Variants in RELN observed in about 807,000 individuals in gnomAD.
RELN encodes reelin.
Under a neutral mutation model 427.6 loss-of-function variants are expected in RELN, and 108 were observed. That is an observed-to-expected ratio of 0.25 (90% confidence interval 0.22 to 0.30). The LOEUF (loss-of-function observed/expected upper bound fraction) is 0.30. Among genes scored for constraint, RELN ranks in the 10% least tolerant of loss-of-function variants. The pLI, the probability that RELN is intolerant of heterozygous loss-of-function variation, is 1.00. For missense variants in RELN, 3,715 were observed against 4,302.8 expected (o/e 0.86, Z 3.82); for synonymous variants, 1,524 against 1,513.4 (o/e 1.01, Z -0.16).
intron 4 of RELN, among the ~76,000 whole-genome samples, chr7:103,758,029 A>C (rs1334626421): frequency 6.6e-6 from 1 of 152,198 alleles, no homozygotes; most frequent in Non-Finnish European, 1.5e-5. Context: ...ACTAGGAATG[A>C]ATGTTCGGAT....
chr7:103,943,470 T>C (rs1006481137), intron 1 of RELN, among the ~76,000 whole-genome samples: 6 of 152,148 alleles, frequency 3.9e-5, no homozygotes, highest in Admixed American at 2.0e-4. Context: ...TGTGCAAATT[T>C]GGGGAGAATA....
chr7:103,520,954 GTTATTTTTTTT>G (rs1829687412), intron 48 of RELN, among the ~76,000 whole-genome samples: 3 of 78,190 alleles, frequency 3.8e-5, no homozygotes, highest in African/African-American at 1.5e-4. Context: ...CAGTAAATTT[GTTATTTTTTTT>G]TTTTTTTTTT....
intron 8 of RELN, among the ~76,000 whole-genome samples, chr7:103,707,947 T>C (rs1001231814): frequency 1.3e-5 from 2 of 152,226 alleles, no homozygotes; most frequent in African/African-American, 4.8e-5. Flanking sequence ...TTAAAAATGA[T>C]GGAATAAAAA....
chr7:103,948,518 CAAAAATTAG>C (rs1796264664), intron 1 of RELN, among the ~76,000 whole-genome samples: 1 of 151,918 alleles, frequency 6.6e-6, no homozygotes, highest in African/African-American at 2.4e-5. Context: ...ACTAAAAATA[CAAAAATTAG>C]CTGGGCATGG....
intron 43 of RELN, among the ~76,000 whole-genome samples, chr7:103,541,852 A>T (rs1830183859): frequency 6.6e-6 from 1 of 152,252 alleles, no homozygotes; most frequent in African/African-American, 2.4e-5. Flanking sequence ...TATTGTTTTT[A>T]TAACTGTGTA....
chr7:103,772,628 C>A (rs555402887), intron 4 of RELN, among the ~76,000 whole-genome samples: 1 of 152,230 alleles, frequency 6.6e-6, no homozygotes, highest in East Asian at 1.9e-4. Context: ...GAGTGATACC[C>A]TAAGCAGGGT....
intron 2 of RELN, among the ~76,000 whole-genome samples, chr7:103,908,221 C>T (rs2116642778): frequency 6.6e-6 from 1 of 152,176 alleles, no homozygotes; most frequent in African/African-American, 2.4e-5. Flanking sequence ...GAGTGCAGCT[C>T]CCCAAAATTA....
intron 1 of RELN, among the ~76,000 whole-genome samples, chr7:103,921,390 G>A (rs1795614478): frequency 6.6e-6 from 1 of 151,928 alleles, no homozygotes; most frequent in Admixed American, 6.6e-5. Context: ...AAATTTTTAT[G>A]GTCAAATTTG....
chr7:103,548,646 G>A (rs535639021), intron 41 of RELN, among the ~76,000 whole-genome samples: 1 of 152,338 alleles, frequency 6.6e-6, no homozygotes, highest in East Asian at 1.9e-4. Context: ...AAATGACATG[G>A]AATACAAATA....
intron 20 of RELN, among the ~76,000 whole-genome samples, chr7:103,615,688 C>T (rs1266944955): frequency 6.6e-6 from 1 of 152,146 alleles, no homozygotes; most frequent in Non-Finnish European, 1.5e-5. Flanking sequence ...AGAAACTAGG[C>T]TTTCTGGTTT....
chr7:103,647,264 A>T (rs892584541), intron 16 of RELN, among the ~76,000 whole-genome samples: 5 of 152,034 alleles, frequency 3.3e-5, no homozygotes, highest in African/African-American at 1.2e-4. Flanking sequence ...ATATAAAGTC[A>T]AATTATCTCC....
At chr7:103,601,746 C>A (rs538721033) in intron 24 of RELN, among the ~76,000 whole-genome samples, 2 of 152,146 alleles carry the variant, frequency 1.3e-5, no homozygotes, top group Non-Finnish European at 2.9e-5. Context: ...CCTGCCTAGA[C>A]TGCAGTGAGG....
chr7:103,561,196 T>C (rs932722131), intron 36 of RELN, among the ~76,000 whole-genome samples: 5 of 152,238 alleles, frequency 3.3e-5, no homozygotes, highest in African/African-American at 1.2e-4. Context: ...TAAAGTCATT[T>C]AGAAAATATT....
intron 16 of RELN, 43 bp downstream of exon 16, chr7:103,650,231 T>A (rs1462937356): frequency 8.6e-7 from 1 of 1,165,582 alleles, no homozygotes; most frequent in African/African-American, 1.5e-5. Flanking sequence ...ACAGGAAGAC[T>A]CTACATCAAT....
intron 6 of RELN, among the ~76,000 whole-genome samples, chr7:103,748,874 A>T (rs529712915): frequency 2.0e-5 from 3 of 152,358 alleles, no homozygotes; most frequent in South Asian, 4.1e-4. Flanking sequence ...ATTTCTTCAA[A>T]GTCAGCAAAA....
intron 20 of RELN, among the ~76,000 whole-genome samples, chr7:103,617,804 C>T (rs145324274): frequency 5.3e-5 from 8 of 152,072 alleles, no homozygotes; most frequent in East Asian, 1.9e-4. Context: ...TGGGCCATAG[C>T]GGTGGATCTT....
intron 51 of RELN, among the ~76,000 whole-genome samples, chr7:103,505,518 T>C (rs1237311102): frequency 6.6e-6 from 1 of 151,994 alleles, no homozygotes; most frequent in Non-Finnish European, 1.5e-5. Context: ...AAAGGAATAG[T>C]ATCAATACCA....
intron 7 of RELN, among the ~76,000 whole-genome samples, chr7:103,723,464 G>T (rs936018903): frequency 6.6e-6 from 1 of 152,082 alleles, no homozygotes. Flanking sequence ...GTTCTTAGTG[G>T]AATCCAGCAG....
At chr7:103,554,327 A>G (rs1363790593) in intron 38 of RELN, among the ~76,000 whole-genome samples, 1 of 152,108 alleles carries the variant, frequency 6.6e-6, no homozygotes, top group Non-Finnish European at 1.5e-5. Context: ...CTGTAATCCC[A>G]GCACTTTGGG....
Sources: allele counts gnomAD v4.1 joint callset (sites outside exome capture counted in the v4.1 genomes callset), GRCh38; gene constraint gnomAD v4.1.1; transcripts MANE v1.5; gene names NCBI Gene and HGNC (gene_info 2026-07-23, HGNC 2026-07-21).